The following ABCC2 variants were observed in gnomAD, a reference collection of about 807,000 sequenced individuals.
ABCC2 encodes ATP binding cassette subfamily C member 2, also known as ATP-binding cassette sub-family C member 2.
A neutral mutation model predicts 173.4 loss-of-function variants in ABCC2; 157 were observed. The ratio of observed to expected loss-of-function variants is 0.91; its 90% CI spans 0.80 to 1.03. The LOEUF (loss-of-function observed/expected upper bound fraction) is 1.03, where lower values mean the gene tolerates loss of function less well. ABCC2 is among the 50% of genes least tolerant of loss of function. ABCC2 has a pLI of 0.00. For synonymous variants in ABCC2, 657 were observed against 693.5 expected, an observed-to-expected ratio of 0.95 and a Z score of 0.83; for missense variants, 1,822 against 1,852.3, an observed-to-expected ratio of 0.98 and a Z score of 0.30.
chr10:99,807,393 T>G lies in ABCC2; in HGVS notation c.1540T>G (p.Tyr514Asp). The G allele has an allele frequency of 1.2e-6, 2 of 1,614,064 alleles. No homozygotes were observed. Among genetic ancestry groups the G allele is most frequent in the Non-Finnish European group, 1.7e-6 (2 of 1,179,956 alleles). ...EILSGIKILK[Y>D]FAWEPSFRDQ... Reference sequence around the variant, plus strand: ...TTTTTCAACTTATTAGATCCTGAAATATTTTGCCTGGGAACCTTCATTCAG... The same window carrying G: ...TTTTTCAACTTATTAGATCCTGAAAGATTTTGCCTGGGAACCTTCATTCAG... The change falls in exon 12 of 32, where the codon TAT (tyrosine) becomes GAT (aspartate). Residue 514 changes from tyrosine to aspartate, a missense_variant. Tyr to Asp is a radical substitution (Grantham distance 160). Transcript: ENST00000647814.
intron 2 of ABCC2, among the ~76,000 whole-genome samples, chr10:99,785,219 C>T (rs1015653932): frequency 1.3e-5 from 2 of 152,096 alleles, no homozygotes; most frequent in Non-Finnish European, 2.9e-5. Context: ...AACTTGGGTC[C>T]GAAATAAGGT....
chr10:99,807,216 T>C (rs2038124688), intron 11 of ABCC2, among the ~76,000 whole-genome samples, 168 bp from the exon 12 acceptor site: 1 of 152,234 alleles, frequency 6.6e-6, no homozygotes, highest in Non-Finnish European at 1.5e-5. Context: ...GCTTTGTACA[T>C]AGTAGGTTGT....
intron 10 of ABCC2, among the ~76,000 whole-genome samples, chr10:99,804,751 C>T (rs968414988): frequency 6.6e-6 from 1 of 152,180 alleles, no homozygotes; most frequent in Non-Finnish European, 1.5e-5. Context: ...GGTGGGTGGA[C>T]TTGACAGTGT....
At chr10:99,831,377 T>C (rs1347110551) in intron 21 of ABCC2, among the ~76,000 whole-genome samples, 1 of 152,182 alleles carries the variant, frequency 6.6e-6, no homozygotes, top group African/African-American at 2.4e-5. Context: ...TTTTATATCT[T>C]CTCCTCTTAA....
chr10:99,817,880 G>C lies in ABCC2; in HGVS notation c.2271+396G>C, dbSNP rs1190527856. 2.0e-5 allele frequency among the ~76,000 whole-genome samples: 3 copies of C among 152,236 alleles called. No individual in the cohort carries two copies. The East Asian group carries it at 5.8e-4, about 29-fold the overall frequency. On this transcript the variant is annotated intron_variant, in intron 17 of 31. Transcript: ENST00000647814. ...TCTACTAATCTGCTTTGAACACTTA[G>C]ATGTTTATTGTGAATTATCTTTTGA... is the stretch of plus-strand genomic sequence containing the variant.
intron 10 of ABCC2, among the ~76,000 whole-genome samples, chr10:99,805,106 G>T (rs2038077484): frequency 6.6e-6 from 1 of 152,152 alleles, no homozygotes. Context: ...GCCTTGGGAA[G>T]GGCAGGGAAA....
intron 12 of ABCC2, 125 bp from the exon 13 acceptor site, chr10:99,807,958 T>C (rs1488048938): frequency 7.5e-6 from 9 of 1,201,562 alleles, no homozygotes; most frequent in Non-Finnish European, 1.1e-5. Context: ...TTCTCATCTG[T>C]AACATGGGGA....
chr10:99,798,673 C>T (rs1361509492), intron 7 of ABCC2, among the ~76,000 whole-genome samples: 2 of 152,214 alleles, frequency 1.3e-5, no homozygotes, highest in African/African-American at 2.4e-5. Context: ...TCTGTCTCTT[C>T]TCTTCTTGTA....
intron 9 of ABCC2, among the ~76,000 whole-genome samples, chr10:99,803,534 G>A (rs1311175001): frequency 6.6e-6 from 1 of 151,690 alleles, no homozygotes; most frequent in Non-Finnish European, 1.5e-5. Context: ...TCTCTACTAT[G>A]TGCCACATAA....
At position 99,814,276 on chromosome 10, in the gene ABCC2, C is replaced by T. The variant is rs1177422603; in HGVS notation, c.2094+1132C>T. Among the ~76,000 whole-genome samples the T allele has an allele frequency of 1.4e-4, 6 of 43,534 alleles. 1 individual carries two copies. The highest frequency in any genetic ancestry group is 5.5e-4 in the African/African-American group (5 of 9,168). 28.6% of individuals were successfully genotyped at this position (43,534 alleles called of 152,430 possible). A position where few individuals can be genotyped will look rare whatever the true frequency, so the allele number is the denominator to read the frequency against. ...ATGTATACACACGTATGTATACACA[C>T]GTATGTATACACACACGTATGTATA... On this transcript the variant is annotated intron_variant, in intron 16 of 31. Coordinates refer to ENST00000647814, the MANE Select transcript of ABCC2 (RefSeq NM_000392.5).
intron 19 of ABCC2, among the ~76,000 whole-genome samples, chr10:99,820,435 A>G (rs2038513812): frequency 6.6e-6 from 1 of 151,396 alleles, no homozygotes; most frequent in Non-Finnish European, 1.5e-5. Flanking sequence ...CAAGAAAACC[A>G]CCCTGAGAAG....
chr10:99,808,979 C>T (rs903355248), intron 13 of ABCC2, among the ~76,000 whole-genome samples: 2 of 152,170 alleles, frequency 1.3e-5, no homozygotes, highest in African/African-American at 2.4e-5. Context: ...TTTTTAGATA[C>T]AATTTATTGC....
In ABCC2 at chr10:99,783,210, G is replaced by T. The variant is rs1390048622; in HGVS notation, c.33+333G>T. 2.0e-5 allele frequency among the ~76,000 whole-genome samples: 3 copies of T among 152,198 alleles called. No individual in the cohort carries two copies. In the East Asian group the frequency reaches 5.8e-4, roughly 29 times the overall value. ...ATTGTTGTTGCATACTTTGCTAGTAGAAGGAAGAGAAGATCCGTGACTGAG... is the reference window on the plus strand; with the variant it reads ...ATTGTTGTTGCATACTTTGCTAGTATAAGGAAGAGAAGATCCGTGACTGAG... On this transcript the variant is annotated intron_variant, in intron 1 of 31. Transcript: ENST00000647814.
chr10:99,833,576 A>C (rs986910580), intron 23 of ABCC2, among the ~76,000 whole-genome samples: 1 of 152,182 alleles, frequency 6.6e-6, no homozygotes, highest in African/African-American at 2.4e-5. Flanking sequence ...GATCAAAAGT[A>C]ATCTGCATAG....
Position 99,844,409 on chromosome 10 carries a change from C to T in ABCC2, c.3931C>T (p.Pro1311Ser), listed in dbSNP as rs1230645938. The T allele has an allele frequency of 6.2e-7, 1 of 1,614,182 alleles. No individual in the cohort carries two copies. The highest frequency in any genetic ancestry group is 8.5e-7 in the Non-Finnish European group (1 of 1,180,044). The change falls in exon 28 of 32, where the codon CCT (proline) becomes TCT (serine). Residue 1311 changes from proline to serine, a missense_variant. Coordinates refer to ENST00000647814, the MANE Select transcript of ABCC2 (RefSeq NM_000392.5). ...TAACAACTACCAAGTGCGGTACCGACCTGAGCTGGATCTGGTCCTCAGAGG... is the reference window on the plus strand; with the variant it reads ...TAACAACTACCAAGTGCGGTACCGATCTGAGCTGGATCTGGTCCTCAGAGG... ...QFNNYQVRYRPELDLVLRGIT... is the reference protein window; with the variant it reads ...QFNNYQVRYRSELDLVLRGIT...
intron 19 of ABCC2, 41 bp downstream of exon 19, chr10:99,819,310 G>A: frequency 6.3e-7 from 1 of 1,577,350 alleles, no homozygotes; most frequent in Non-Finnish European, 8.7e-7. Context: ...CTTGGGCCAT[G>A]GGTGGAATGG....
Position 99,842,084 on chromosome 10 carries a change from T to C in ABCC2, c.3732T>C (p.Asn1244=), listed in dbSNP as rs757141905. Residue 1244 remains asparagine, a synonymous_variant, in exon 26 of 32, where the codon AAT becomes AAC. Coordinates refer to ENST00000647814, the MANE Select transcript of ABCC2 (RefSeq NM_000392.5). Reference sequence around the variant, plus strand: ...ACACTGTTGGCTTTGTTCTGTCCAATGCACTCAATGTGAGTTTGAAGGTTG... The same window carrying C: ...ACACTGTTGGCTTTGTTCTGTCCAACGCACTCAATGTGAGTTTGAAGGTTG... ...SGDTVGFVLS[N]ALNITQTLNW... 1.5e-5 allele frequency: 24 copies of C among 1,614,214 alleles called. No individual in the cohort carries two copies. Among genetic ancestry groups the C allele is most frequent in the Non-Finnish European group, 2.0e-5 (24 of 1,180,032 alleles).
At chr10:99,783,997 C>A (rs542356274) in intron 1 of ABCC2, among the ~76,000 whole-genome samples, 1 of 99,956 alleles carries the variant, frequency 1.0e-5, no homozygotes, top group South Asian at 3.9e-4. Context: ...CACCCCCCAC[C>A]CCCCAACTTC....
intron 28 of ABCC2, 109 bp from the exon 29 acceptor site, chr10:99,845,515 A>G: frequency 7.3e-7 from 1 of 1,362,376 alleles, no homozygotes; most frequent in East Asian, 2.3e-5. Flanking sequence ...TTAGAGATGG[A>G]GTAGCCAGTC....
Sources: gnomAD v4.1 joint callset for allele counts (sites outside exome capture counted in the v4.1 genomes callset) on GRCh38, gnomAD v4.1.1 for gene constraint, MANE v1.5 for transcripts, NCBI Gene and HGNC (gene_info 2026-07-23, HGNC 2026-07-21) for gene names.